Variants in DAB2IP observed in about 807,000 individuals in gnomAD.
DAB2IP encodes DAB2 interacting protein.
A neutral mutation model predicts 107.2 loss-of-function variants in DAB2IP; 28 were observed. That is an observed-to-expected ratio of 0.26 (90% CI 0.19 to 0.36). DAB2IP has a LOEUF of 0.36. Ranked by LOEUF, DAB2IP falls within the 10% of genes least tolerant of loss-of-function variation. The pLI is 1.00. For synonymous variants in DAB2IP, 755 were observed against 706.4 expected, an observed-to-expected ratio of 1.07 and a Z score of -1.09; for missense variants, 1,400 against 1,644.7, an observed-to-expected ratio of 0.85 and a Z score of 2.57.
At chr9:121,617,792 C>T (rs1420331459) in intron 1 of DAB2IP, among the ~76,000 whole-genome samples, 1 of 152,206 alleles carries the variant, frequency 6.6e-6, no homozygotes, top group East Asian at 1.9e-4. Flanking sequence ...GATAGCTGGT[C>T]CAGGATTCCT....
intron 1 of DAB2IP, among the ~76,000 whole-genome samples, chr9:121,593,828 C>T (rs1476334459): frequency 6.6e-6 from 1 of 151,594 alleles, no homozygotes; most frequent in Non-Finnish European, 1.5e-5. Context: ...CCACCACACC[C>T]AGGTAATTTT....
At chr9:121,604,177 G>T (rs1171803629) in intron 1 of DAB2IP, among the ~76,000 whole-genome samples, 1 of 152,194 alleles carries the variant, frequency 6.6e-6, no homozygotes, top group Admixed American at 6.5e-5. Flanking sequence ...CTCAGCCCTG[G>T]GTAGTCTTGA....
chr9:121,760,264 C>T lies in DAB2IP; in HGVS notation c.995C>T (p.Ala332Val), dbSNP rs201959346. The change falls in exon 6 of 16, where the codon GCG (alanine) becomes GTG (valine). Residue 332 changes from alanine (A) to valine (V), a missense_variant. By Grantham distance (64) the Ala-to-Val change is moderately conservative. This residue lies in a region of DAB2IP where 517 missense variants were observed against 748.6 expected (regional missense o/e 0.69). Coordinates refer to ENST00000408936, the Ensembl canonical transcript of DAB2IP. This position sits in a 1 kb window ranked among gnomAD's most constrained non-coding sequence, Gnocchi z 5.9. ...CCTGGACCCATGATCCGCATCAAGG[C>T]GCGCTACCAAACCATCACCATCCTG... The T allele has an allele frequency of 5.6e-6, 9 of 1,613,920 alleles. No individual in the cohort carries two copies. The highest frequency in any genetic ancestry group is 2.2e-5 in the East Asian group (1 of 44,866).
chr9:121,759,806 A>G, intron 5 of DAB2IP, 79 bp from the exon 6 acceptor site: 1 of 1,327,684 alleles, frequency 7.5e-7, no homozygotes, highest in Non-Finnish European at 1.0e-6. Flanking sequence ...GGGTCTGAGG[A>G]CTCTCTCAGG....
chr9:121,700,745 A>C (rs148709008), intron 3 of DAB2IP, among the ~76,000 whole-genome samples: 1 of 151,982 alleles, frequency 6.6e-6, no homozygotes, highest in African/African-American at 2.4e-5. Flanking sequence ...TTTAATTTCC[A>C]TCGTCCCAGA....
intron 1 of DAB2IP, among the ~76,000 whole-genome samples, chr9:121,657,429 C>T (rs916937633): frequency 1.3e-5 from 2 of 152,190 alleles, no homozygotes. Context: ...TTTCACCAAG[C>T]TGAATGTGTG....
intron 1 of DAB2IP, among the ~76,000 whole-genome samples, chr9:121,677,813 C>T (rs111815161): frequency 3.9e-5 from 6 of 152,030 alleles, no homozygotes; most frequent in African/African-American, 1.2e-4. Flanking sequence ...AGGCACACAA[C>T]ACCACACCTG....
intron 1 of DAB2IP, among the ~76,000 whole-genome samples, chr9:121,664,384 G>A (rs1318888657): frequency 6.6e-6 from 1 of 152,156 alleles, no homozygotes; most frequent in Non-Finnish European, 1.5e-5. Context: ...AGGTCCTTTG[G>A]TTTGCCATCT....
chr9:121,685,991 T>C (rs1051566927), intron 2 of DAB2IP, among the ~76,000 whole-genome samples: 13 of 152,160 alleles, frequency 8.5e-5, no homozygotes, highest in Admixed American at 7.2e-4. Context: ...AACAGGAGTA[T>C]GAGGTCCTCA....
At chr9:121,687,094 G>T (rs1828923249) in intron 2 of DAB2IP, among the ~76,000 whole-genome samples, 1 of 152,184 alleles carries the variant, frequency 6.6e-6, no homozygotes, top group African/African-American at 2.4e-5. Context: ...GCTCCTCCCA[G>T]TGAGTGTTGA....
intron 1 of DAB2IP, among the ~76,000 whole-genome samples, chr9:121,673,646 C>T (rs548297396): frequency 8.5e-5 from 13 of 152,188 alleles, no homozygotes; most frequent in African/African-American, 1.4e-4. Context: ...TAAGGGAGAG[C>T]GACAATGAAA....
Position 121,772,541 on chromosome 9 carries a change from C to T in DAB2IP, c.2079-66C>T, listed in dbSNP as rs766892077. On this transcript the variant is annotated intron_variant, in intron 11 of 15. Coordinates refer to ENST00000408936, the Ensembl canonical transcript of DAB2IP. This position sits in a 1 kb window ranked among gnomAD's most constrained non-coding sequence, Gnocchi z 4.7. ...TTGGCGGGTGCTGTCGGTTTGGACCCGCCTTGGCTGCACTCACAGTTCTTC... is the reference window on the plus strand; with the variant it reads ...TTGGCGGGTGCTGTCGGTTTGGACCTGCCTTGGCTGCACTCACAGTTCTTC... 121 of 1,542,614 alleles carry T rather than the reference C, an allele frequency of 7.8e-5. 1 individual carries two copies. The Middle Eastern group carries it at 3.8e-3, about 49-fold the overall frequency.
chr9:121,756,447 ACTCGC>A (rs1209375853), intron 3 of DAB2IP, among the ~76,000 whole-genome samples: 1 of 151,868 alleles, frequency 6.6e-6, no homozygotes, highest in African/African-American at 2.4e-5. Context: ...CTGCTTCGAG[ACTCGC>A]CTCGCCTCGC....
At chr9:121,618,506 G>A (rs1268253104) in intron 1 of DAB2IP, among the ~76,000 whole-genome samples, 2 of 151,794 alleles carry the variant, frequency 1.3e-5, no homozygotes, top group African/African-American at 4.8e-5. Flanking sequence ...GACTACAGGC[G>A]CCCACCACAA....
intron 3 of DAB2IP, among the ~76,000 whole-genome samples, chr9:121,716,409 G>T (rs541474457): frequency 1.3e-5 from 2 of 152,322 alleles, no homozygotes; most frequent in East Asian, 3.9e-4. Flanking sequence ...CCAAACTTAG[G>T]TCTGACTGGC....
At chr9:121,654,229 G>T (rs759935538) in intron 1 of DAB2IP, among the ~76,000 whole-genome samples, 3 of 151,122 alleles carry the variant, frequency 2.0e-5, no homozygotes, top group Non-Finnish European at 4.4e-5. Flanking sequence ...AACGGCTTGG[G>T]TATTGAGAAT....
At chr9:121,595,433 A>AAAC (rs1830508651) in intron 1 of DAB2IP, among the ~76,000 whole-genome samples, 1 of 151,700 alleles carries the variant, frequency 6.6e-6, no homozygotes, top group Non-Finnish European at 1.5e-5. Context: ...TCTCTACAAC[A>AAAC]AACAAACAAA....
At chr9:121,624,272 C>G (rs1410960734) in intron 1 of DAB2IP, among the ~76,000 whole-genome samples, 2 of 152,214 alleles carry the variant, frequency 1.3e-5, no homozygotes, top group Admixed American at 1.3e-4. Flanking sequence ...CAGGACTGAC[C>G]AGGTTAACAC....
chr9:121,641,992 C>CTCT (rs1346700067), intron 1 of DAB2IP, among the ~76,000 whole-genome samples: 41 of 29,328 alleles, frequency 1.4e-3, no homozygotes, highest in Admixed American at 2.9e-3. Flanking sequence ...TTCTTTCTTT[C>CTCT]CTTTCTCTCT....
Sources: allele counts gnomAD v4.1 joint callset (sites outside exome capture counted in the v4.1 genomes callset), GRCh38; gene constraint gnomAD v4.1.1; regional missense constraint gnomAD v4.1.1; non-coding constraint Gnocchi (gnomAD v3.1); transcripts MANE v1.5; gene names NCBI Gene and HGNC (gene_info 2026-07-23, HGNC 2026-07-21).